ANKS1B: variants seen among roughly 807,000 people sequenced by gnomAD.
ANKS1B encodes the protein ankyrin repeat and sterile alpha motif domain containing 1B, also known as ankyrin repeat and sterile alpha motif domain-containing protein 1B.
Under a neutral mutation model 148.3 loss-of-function variants are expected in ANKS1B, and 36 were observed. That is an observed-to-expected ratio of 0.24 (90% CI 0.19 to 0.32). The LOEUF (loss-of-function observed/expected upper bound fraction) is 0.32, where lower values mean the gene tolerates loss of function less well. ANKS1B is among the 10% of genes least tolerant of loss of function. ANKS1B has a pLI of 1.00. For synonymous variants in ANKS1B, 542 were observed against 560.8 expected, an observed-to-expected ratio of 0.97 and a Z score of 0.47; for missense variants, 1,157 against 1,542.6, an observed-to-expected ratio of 0.75 and a Z score of 4.19.
chr12:99,504,860 T>C (rs1378634176), intron 9 of ANKS1B, among the ~76,000 whole-genome samples: 1 of 152,142 alleles, frequency 6.6e-6, no homozygotes, highest in African/African-American at 2.4e-5. Context: ...ATTACTGAAT[T>C]AGTAAAGGTA....
chr12:99,871,051 T>A (rs1362316544), intron 1 of ANKS1B, among the ~76,000 whole-genome samples: 1 of 152,202 alleles, frequency 6.6e-6, no homozygotes, highest in Admixed American at 6.5e-5. Context: ...ATTTTTATAG[T>A]TTGAGGTCTT....
chr12:99,390,457 G>C (rs2094019459), intron 12 of ANKS1B, among the ~76,000 whole-genome samples: 1 of 152,166 alleles, frequency 6.6e-6, no homozygotes, highest in Non-Finnish European at 1.5e-5. Flanking sequence ...TCCCAGAAGA[G>C]AAAGGACATA....
intron 10 of ANKS1B, among the ~76,000 whole-genome samples, chr12:99,492,332 C>A (rs2096563409): frequency 6.6e-6 from 1 of 152,128 alleles, no homozygotes; most frequent in Non-Finnish European, 1.5e-5. Context: ...GACACATACA[C>A]TCTTCCAAGA....
chr12:99,066,306 GC>G, intron 16 of ANKS1B, among the ~76,000 whole-genome samples: 1 of 152,196 alleles, frequency 6.6e-6, no homozygotes, highest in South Asian at 2.1e-4. Flanking sequence ...GGGTGACAAA[GC>G]AAAACTCTGT....
chr12:99,770,644 T>G (rs771644132), intron 8 of ANKS1B, among the ~76,000 whole-genome samples: 1 of 152,132 alleles, frequency 6.6e-6, no homozygotes, highest in African/African-American at 2.4e-5. Flanking sequence ...ATGTCTTTTA[T>G]CTGCCCAAAA....
chr12:99,464,695 A>G (rs2096064704), intron 10 of ANKS1B, among the ~76,000 whole-genome samples: 1 of 152,216 alleles, frequency 6.6e-6, no homozygotes, highest in Non-Finnish European at 1.5e-5. Context: ...GGTATCAGTG[A>G]TGGAAGATGA....
At chr12:99,330,778 G>C (rs1277057460) in intron 12 of ANKS1B, among the ~76,000 whole-genome samples, 1 of 151,962 alleles carries the variant, frequency 6.6e-6, no homozygotes, top group Non-Finnish European at 1.5e-5. Context: ...TTTGAAATCA[G>C]TGGAAGCTCT....
chr12:99,511,803 G>A (rs1192034633), intron 9 of ANKS1B, among the ~76,000 whole-genome samples: 4 of 151,952 alleles, frequency 2.6e-5, no homozygotes, highest in Non-Finnish European at 5.9e-5. Flanking sequence ...ACAAAAACAA[G>A]CAATGGAGAG....
chr12:99,193,723 C>T lies in ANKS1B; in HGVS notation c.2420-39328G>A, dbSNP rs137929195. Among the ~76,000 whole-genome samples, 1,016 of 151,508 alleles carry T rather than the reference C, an allele frequency of 6.7e-3. 19 individuals are homozygous for T. Among genetic ancestry groups the T allele is most frequent in the African/African-American group, 0.023 (951 of 41,266 alleles). On this transcript the variant is annotated intron_variant, in intron 14 of 26. Transcript: ENST00000683438. ...ATTGCTCATCTGACTTTCTTCCTGGCCTCTCTACTCAGCCACTGAATCTCT... is the reference window on the plus strand; with the variant it reads ...ATTGCTCATCTGACTTTCTTCCTGGTCTCTCTACTCAGCCACTGAATCTCT...
chr12:99,832,979 A>C (rs2084274534), intron 1 of ANKS1B, among the ~76,000 whole-genome samples: 1 of 152,206 alleles, frequency 6.6e-6, no homozygotes, highest in African/African-American at 2.4e-5. Flanking sequence ...GAGCATTCCA[A>C]ATGCTTTATA....
chr12:99,357,821 A>T (rs1357611929), intron 12 of ANKS1B, among the ~76,000 whole-genome samples: 3 of 152,144 alleles, frequency 2.0e-5, no homozygotes, highest in African/African-American at 7.2e-5. Flanking sequence ...TCAGAAAAGT[A>T]TCAACTCATA....
At chr12:99,146,908 C>T (rs1169178846) in intron 15 of ANKS1B, among the ~76,000 whole-genome samples, 1 of 152,118 alleles carries the variant, frequency 6.6e-6, no homozygotes, top group African/African-American at 2.4e-5. Context: ...GGCCCATTGA[C>T]CAGATCCGCC....
intron 16 of ANKS1B, among the ~76,000 whole-genome samples, chr12:99,067,999 T>A (rs548334319): frequency 6.6e-6 from 1 of 152,088 alleles, no homozygotes; most frequent in South Asian, 2.1e-4. Context: ...CCCAGTAGAG[T>A]CACTCTTACA....
intron 14 of ANKS1B, among the ~76,000 whole-genome samples, chr12:99,237,846 G>A (rs2153959475): frequency 6.6e-6 from 1 of 152,280 alleles, no homozygotes; most frequent in Admixed American, 6.5e-5. Flanking sequence ...CAAACACCTA[G>A]GCTCTAGCAA....
At chr12:99,012,815 T>A (rs949322605) in intron 17 of ANKS1B, among the ~76,000 whole-genome samples, 2 of 152,180 alleles carry the variant, frequency 1.3e-5, no homozygotes, top group Admixed American at 1.3e-4. Flanking sequence ...ATTTTATAAT[T>A]TAAGAACTCA....
intron 10 of ANKS1B, among the ~76,000 whole-genome samples, chr12:99,466,812 A>G: frequency 6.6e-6 from 1 of 152,000 alleles, no homozygotes; most frequent in East Asian, 1.9e-4. Context: ...TTACCAACCA[A>G]AAAGAGTCCA....
At chr12:99,243,963 A>G (rs923230091) in intron 14 of ANKS1B, among the ~76,000 whole-genome samples, 1 of 152,170 alleles carries the variant, frequency 6.6e-6, no homozygotes, top group Non-Finnish European at 1.5e-5. Flanking sequence ...GCACATGTAT[A>G]CCTATGTAAC....
intron 9 of ANKS1B, among the ~76,000 whole-genome samples, chr12:99,591,006 A>G (rs1329109399): frequency 2.0e-5 from 3 of 151,474 alleles, no homozygotes; most frequent in African/African-American, 4.8e-5. Flanking sequence ...ACTTCCTCCT[A>G]TATTTTAAGT....
At chr12:99,317,075 G>C (rs981581960) in intron 12 of ANKS1B, among the ~76,000 whole-genome samples, 12 of 152,298 alleles carry the variant, frequency 7.9e-5, no homozygotes, top group African/African-American at 2.9e-4. Context: ...CTGTAGCCTT[G>C]TAGTATAATT....
Sources: allele counts gnomAD v4.1 joint callset (sites outside exome capture counted in the v4.1 genomes callset), GRCh38; gene constraint gnomAD v4.1.1; transcripts MANE v1.5; gene names NCBI Gene and HGNC (gene_info 2026-07-23, HGNC 2026-07-21).